Variants in ZNF713 observed in about 807,000 individuals in gnomAD.
ZNF713 encodes zinc finger protein 713.
Under a neutral mutation model 28.7 loss-of-function variants are expected in ZNF713, and 21 were observed. That is an observed-to-expected ratio of 0.73 (90% CI 0.52 to 1.05). The LOEUF is 1.05. Ranked by LOEUF, ZNF713 falls within the 50% of genes least tolerant of loss-of-function variation. The probability of loss-of-function intolerance (pLI) is 0.00; values close to 1 mark genes in which losing one functional copy is unlikely to be tolerated. For missense variants in ZNF713, 458 were observed against 532.4 expected (o/e 0.86, Z 1.37); for synonymous variants, 167 against 178.0 (o/e 0.94, Z 0.49).
chr7:55,897,384 A>G lies in ZNF713; in HGVS notation c.-582-8869A>G, dbSNP rs532687016. On this transcript the variant is annotated intron_variant, in intron 1 of 6. Coordinates refer to ENST00000429591, the MANE Select transcript of ZNF713 (RefSeq NM_182633.3). ...AGCCTCGACCTTCCAGGCTCAAGCA[A>G]CCCTCTCACCTCAGCCTCCCGAATA... Among the ~76,000 whole-genome samples the G allele has an allele frequency of 4.6e-5, 7 of 151,726 alleles. No individual in the cohort carries two copies. The South Asian group carries it at 1.3e-3, about 27-fold the overall frequency.
At chr7:55,919,498 T>TGTTTTTTTTTTGTTTTTTTTTTG (rs71015125) in intron 4 of ZNF713, among the ~76,000 whole-genome samples, 7 of 59,660 alleles carry the variant, frequency 1.2e-4, no homozygotes, top group Non-Finnish European at 1.5e-4. Flanking sequence ...CAGTTTTTTT[T>TGTTTTTTTTTTGTTTTTTTTTTG]TTTTTTTTTT....
At chr7:55,907,921 A>T (rs1463022896) in intron 2 of ZNF713, among the ~76,000 whole-genome samples, 4 of 152,162 alleles carry the variant, frequency 2.6e-5, no homozygotes, top group Admixed American at 2.6e-4. Context: ...TGATAAACAT[A>T]CAAGTGCAGG....
intron 1 of ZNF713, among the ~76,000 whole-genome samples, chr7:55,897,833 T>C (rs1054305558): frequency 6.6e-6 from 1 of 152,198 alleles, no homozygotes; most frequent in African/African-American, 2.4e-5. Flanking sequence ...ATAGAGTAGA[T>C]CTTCATGTCC....
rs1265563543 is a variant in ZNF713, at chr7:55,904,169, A to G, written c.-582-2084A>G. ...CACCCGTATCAGATACTGTCTTGGA[A>G]GAAGTAATGAGGTCAGGCCAGGCCT... is the stretch of plus-strand genomic sequence containing the variant. On this transcript the variant is annotated intron_variant, in intron 1 of 6. Coordinates refer to ENST00000429591, the MANE Select transcript of ZNF713 (RefSeq NM_182633.3). 5.8e-5 allele frequency among the ~76,000 whole-genome samples: 6 copies of G among 102,776 alleles called. 3 individuals carry two copies. In the East Asian group the frequency reaches 2.2e-3, roughly 37 times the overall value. 67.4% of individuals were successfully genotyped at this position (102,776 alleles called of 152,430 possible). A position where few individuals can be genotyped will look rare whatever the true frequency, so the allele number is the denominator to read the frequency against.
Position 55,913,193 on chromosome 7 carries a change from TC to T in ZNF713, c.87+472del, listed in dbSNP as rs1194762557. Among the ~76,000 whole-genome samples, 59 of 132,916 alleles carry T rather than the reference TC, an allele frequency of 4.4e-4. 1 individual carries two copies. The highest frequency in any genetic ancestry group is 1.6e-3 in the African/African-American group (55 of 34,164). 87.2% of individuals were successfully genotyped at this position (132,916 alleles called of 152,430 possible). On this transcript the variant is annotated intron_variant, in intron 4 of 6. Coordinates refer to ENST00000429591, the MANE Select transcript of ZNF713 (RefSeq NM_182633.3). ...AAAACCTGTTTAAATCTGTTTTGAT[TC>T]CTTTTTTTTTTTTTTTTTTTTTTTT...
chr7:55,901,395 A>G (rs1785574152), intron 1 of ZNF713, among the ~76,000 whole-genome samples: 1 of 152,216 alleles, frequency 6.6e-6, no homozygotes, highest in South Asian at 2.1e-4. Context: ...TCCCTCCCAC[A>G]ACATGTGGGA....
At chr7:55,923,574 A>G (rs377747679) in intron 5 of ZNF713, 33 bp from the exon 6 acceptor site, 19 of 1,541,678 alleles carry the variant, frequency 1.2e-5, no homozygotes, top group Non-Finnish European at 1.4e-5. Context: ...TCCCAGTACA[A>G]ACTCCTAAGA....
At position 55,939,797 on chromosome 7, in the gene ZNF713, T is replaced by G; in HGVS notation, c.1123T>G (p.Cys375Gly). The part of the protein sequence containing the change: ...TGEKPYECGF[C>G]GKAFSQRTHL... The stretch of plus-strand genomic sequence containing the variant: ...AGAGAAACCTTACGAATGTGGTTTC[T>G]GTGGCAAAGCCTTCAGTCAGAGGAC... The change falls in exon 7 of 7, where the codon TGT becomes GGT. Residue 375 changes from cysteine (C) to glycine (G), a missense_variant. Transcript: ENST00000429591. 1.9e-6 allele frequency: 3 copies of G among 1,614,196 alleles called. No individual in the cohort carries two copies. Among genetic ancestry groups the G allele is most frequent in the Non-Finnish European group, 1.7e-6 (2 of 1,180,030 alleles).
chr7:55,935,039 C>G (rs964539886), intron 6 of ZNF713, among the ~76,000 whole-genome samples: 1 of 151,956 alleles, frequency 6.6e-6, no homozygotes, highest in Non-Finnish European at 1.5e-5. Context: ...CAGACATGCA[C>G]CACCACGCCC....
At chr7:55,932,290 A>G (rs1286959558) in intron 6 of ZNF713, among the ~76,000 whole-genome samples, 1 of 151,760 alleles carries the variant, frequency 6.6e-6, no homozygotes, top group Admixed American at 6.6e-5. Flanking sequence ...GCACTTTGGG[A>G]AGCCAAGGCG....
chr7:55,900,194 G>T (rs930970599), intron 1 of ZNF713, among the ~76,000 whole-genome samples: 4 of 152,142 alleles, frequency 2.6e-5, no homozygotes, highest in Non-Finnish European at 5.9e-5. Flanking sequence ...GTGGCCGGGC[G>T]TGGTGGCTCA....
chr7:55,897,887 T>C (rs1306911036), intron 1 of ZNF713, among the ~76,000 whole-genome samples: 5 of 152,064 alleles, frequency 3.3e-5, no homozygotes, highest in Admixed American at 6.5e-5. Flanking sequence ...ATTTTCTGAG[T>C]GATAGGGATG....
rs757937472 is a variant in ZNF713 at position 55,939,403 on chromosome 7, C to T, written c.729C>T (p.Ile243=). 3 of 1,613,710 alleles carry T rather than the reference C, an allele frequency of 1.9e-6. No individual in the cohort carries two copies. The South Asian group carries it at 3.3e-5, about 18-fold the overall frequency. The change falls in exon 7 of 7, where the codon ATC becomes ATT. Residue 243 remains isoleucine, a synonymous_variant. Coordinates refer to ENST00000429591, the MANE Select transcript of ZNF713 (RefSeq NM_182633.3). Reference sequence around the variant, plus strand: ...ATGAATATAGTGAGTGTGGAAAAATCTTCAATCAACATATTCTTCTTACTG... The same window carrying T: ...ATGAATATAGTGAGTGTGGAAAAATTTTCAATCAACATATTCTTCTTACTG... ...TPYEYSECGK[I]FNQHILLTDH...
At chr7:55,892,700 C>T (rs539831030) in intron 1 of ZNF713, among the ~76,000 whole-genome samples, 13 of 151,676 alleles carry the variant, frequency 8.6e-5, no homozygotes, top group African/African-American at 3.1e-4. Flanking sequence ...TAGAGAAACC[C>T]CGTCTCTACT....
chr7:55,897,020 A>G (rs900745676), intron 1 of ZNF713, among the ~76,000 whole-genome samples: 4 of 152,216 alleles, frequency 2.6e-5, no homozygotes, highest in Non-Finnish European at 4.4e-5. Context: ...ATAAGTATCC[A>G]TGAGTCTCTA....
intron 2 of ZNF713, among the ~76,000 whole-genome samples, chr7:55,909,705 C>T (rs1289800602): frequency 6.6e-6 from 1 of 152,032 alleles, no homozygotes; most frequent in East Asian, 1.9e-4. Flanking sequence ...GTGTCATCTA[C>T]CATTTCTTTC....
rs79610623 is a variant in ZNF713, at chr7:55,925,772, C to G, written c.307+2073C>G. 8.7e-3 allele frequency among the ~76,000 whole-genome samples: 1,318 copies of G among 152,296 alleles called. 21 individuals are homozygous for G. Among genetic ancestry groups the G allele is most frequent in the African/African-American group, 0.03 (1,257 of 41,560 alleles). On this transcript the variant is annotated intron_variant, in intron 6 of 6. Coordinates refer to ENST00000429591, the MANE Select transcript of ZNF713 (RefSeq NM_182633.3). ...ACATTTTGTCAAGAAGCCTGGGCAC[C>G]TTCCCTGACAATGCTGGGACATATT... is the stretch of plus-strand genomic sequence containing the variant.
chr7:55,887,563 T>C lies in ZNF713; in HGVS notation c.-700T>C. The C allele has an allele frequency of 5.5e-6, 1 of 181,986 alleles. No homozygotes were observed. 11.3% of individuals were successfully genotyped at this position (181,986 alleles called of 1,614,324 possible). ...GTCACCGGGCGTCATTGGCTCAGGCTGCGGGGCCCTCGGCACCTTCTCCCT... is the reference window on the plus strand; with the variant it reads ...GTCACCGGGCGTCATTGGCTCAGGCCGCGGGGCCCTCGGCACCTTCTCCCT... On this transcript the variant is annotated 5_prime_UTR_variant, in exon 1 of 7. Coordinates refer to ENST00000429591, the MANE Select transcript of ZNF713 (RefSeq NM_182633.3).
chr7:55,910,731 C>T (rs756043540), intron 2 of ZNF713, among the ~76,000 whole-genome samples: 10 of 152,024 alleles, frequency 6.6e-5, no homozygotes, highest in African/African-American at 9.7e-5. Flanking sequence ...CCTGGCCTCA[C>T]GTGATCTGCC....
Sources: gnomAD v4.1 joint callset for allele counts (sites outside exome capture counted in the v4.1 genomes callset) on GRCh38, gnomAD v4.1.1 for gene constraint, MANE v1.5 for transcripts, NCBI Gene and HGNC (gene_info 2026-07-23, HGNC 2026-07-21) for gene names.